The following RAP1GAP2 variants were observed in gnomAD, a reference collection of about 807,000 sequenced individuals.
RAP1GAP2 encodes the protein RAP1 GTPase activating protein 2.
RAP1GAP2 carries 27 observed loss-of-function variants against 95.0 expected under a neutral mutation model. The ratio of observed to expected loss-of-function variants is 0.28; its 90% confidence interval spans 0.21 to 0.39. The LOEUF (loss-of-function observed/expected upper bound fraction) is 0.39. RAP1GAP2 is among the 10% of genes least tolerant of loss of function. The probability of loss-of-function intolerance (pLI) is 1.00; values close to 1 mark genes in which losing one functional copy is unlikely to be tolerated. For synonymous variants in RAP1GAP2, 373 were observed against 380.9 expected, an observed-to-expected ratio of 0.98 and a Z score of 0.24; for missense variants, 771 against 970.0, an observed-to-expected ratio of 0.79 and a Z score of 2.72.
At chr17:3,020,429 G>A (rs984394402) in intron 18 of RAP1GAP2, 48 bp from the exon 19 acceptor site, 3 of 1,463,922 alleles carry the variant, frequency 2.0e-6, no homozygotes, top group Non-Finnish European at 2.9e-6. Context: ...GGGGATAGGA[G>A]ATCGGTGTTT....
rs376239849 is a variant in RAP1GAP2 at position 2,963,998 on chromosome 17, C to T, written c.422C>T (p.Pro141Leu). 3 of 1,612,602 alleles carry T rather than the reference C, an allele frequency of 1.9e-6. No homozygotes were observed. Among genetic ancestry groups the T allele is most frequent in the African/African-American group, 2.7e-5 (2 of 74,644 alleles). ...GAGGAGGAAGAGGACAACCTCAGCCCCAACACATTTGGCTACAAGCTCGAG... is the reference window on the plus strand; with the variant it reads ...GAGGAGGAAGAGGACAACCTCAGCCTCAACACATTTGGCTACAAGCTCGAG... The part of the protein sequence containing the change: ...CEEEEEDNLS[P>L]NTFGYKLECK... Residue 141 changes from proline (P) to leucine (L), a missense_variant, in exon 7 of 25, where the codon CCC becomes CTC. Physicochemically the swap from Pro to Leu is moderately conservative, Grantham distance 98. Transcript: ENST00000254695. This position sits in a 1 kb window ranked among gnomAD's most constrained non-coding sequence, Gnocchi z 4.8.
chr17:2,808,674 C>G (rs1006058340), intron 2 of RAP1GAP2, among the ~76,000 whole-genome samples: 3 of 152,216 alleles, frequency 2.0e-5, no homozygotes, highest in Admixed American at 2.0e-4. Flanking sequence ...CACCACAGAA[C>G]CCACTGTTAG....
At chr17:2,990,275 T>C (rs988004096) in intron 11 of RAP1GAP2, among the ~76,000 whole-genome samples, 4 of 152,256 alleles carry the variant, frequency 2.6e-5, no homozygotes, top group African/African-American at 9.6e-5. Flanking sequence ...CTAGATCATA[T>C]GGTGACTCTA....
chr17:2,820,889 A>G (rs1413767810), intron 2 of RAP1GAP2, among the ~76,000 whole-genome samples: 1 of 73,404 alleles, frequency 1.4e-5, no homozygotes, highest in African/African-American at 6.3e-5. Flanking sequence ...GGCCCGGATA[A>G]TGGTTTTTTT....
intron 16 of RAP1GAP2, 44 bp downstream of exon 16, chr17:3,006,085 C>T (rs1884778566): frequency 4.8e-6 from 7 of 1,447,770 alleles, no homozygotes; most frequent in African/African-American, 1.4e-5. Flanking sequence ...ACTGCTGGGC[C>T]ACCTGTTAGC....
Position 2,827,189 on chromosome 17 carries a change from TG to T in RAP1GAP2, c.80+26641del, listed in dbSNP as rs1212646559. On this transcript the variant is annotated intron_variant, in intron 2 of 24. Transcript: ENST00000254695. This position sits in a 1 kb window ranked among gnomAD's most constrained non-coding sequence, Gnocchi z 4.1. ...GAGTGTGGTGCGTTTGAGGAGCTTG[TG>T]GATCGTCCCAGGGGTGTGTGTGGTT... Among the ~76,000 whole-genome samples, 2 of 152,156 alleles carry T rather than the reference TG, an allele frequency of 1.3e-5. No individual in the cohort carries two copies. Among genetic ancestry groups the T allele is most frequent in the Non-Finnish European group, 2.9e-5 (2 of 68,032 alleles).
intron 1 of RAP1GAP2, among the ~76,000 whole-genome samples, chr17:2,779,855 G>T (rs1164025906): frequency 6.6e-6 from 1 of 152,014 alleles, no homozygotes; most frequent in Non-Finnish European, 1.5e-5. Context: ...AAGAAGCATG[G>T]AAGAGACAGG....
intron 2 of RAP1GAP2, among the ~76,000 whole-genome samples, chr17:2,888,494 A>G (rs1343436509): frequency 1.3e-5 from 2 of 151,978 alleles, no homozygotes; most frequent in African/African-American, 2.4e-5. Flanking sequence ...TTTAGCTTCT[A>G]CGTTTGCATG....
intron 13 of RAP1GAP2, among the ~76,000 whole-genome samples, chr17:2,996,805 G>A (rs1225570333): frequency 6.6e-6 from 1 of 152,250 alleles, no homozygotes. Flanking sequence ...CGTGGAGTAA[G>A]TGAGGCAATT....
At chr17:2,994,405 C>T (rs1250462887) in intron 12 of RAP1GAP2, among the ~76,000 whole-genome samples, 2 of 152,210 alleles carry the variant, frequency 1.3e-5, no homozygotes, top group Admixed American at 1.3e-4. Flanking sequence ...GGGACAACTC[C>T]TGGAAGCCCA....
chr17:2,932,348 A>AGCTTCAGGTCTAAGCCTT (rs2043181934), intron 3 of RAP1GAP2, among the ~76,000 whole-genome samples: 2 of 151,984 alleles, frequency 1.3e-5, no homozygotes, highest in African/African-American at 4.8e-5. Context: ...TCTCTGGGGG[A>AGCTTCAGGTCTAAGCCTT]CAACTGCAGC....
At position 2,804,960 on chromosome 17, in the gene RAP1GAP2, G is replaced by A. The variant is rs11650016; in HGVS notation, c.80+4410G>A. Among the ~76,000 whole-genome samples the A allele has an allele frequency of 4.3e-3, 647 of 152,226 alleles. 2 individuals are homozygous for A. Among genetic ancestry groups the A allele is most frequent in the Non-Finnish European group, 6.5e-3 (445 of 68,012 alleles). On this transcript the variant is annotated intron_variant, in intron 2 of 24. Transcript: ENST00000254695. ...TTGCATTCATGCCTTGAATCCTTTCGTATTTTTCTCAGGACCTTGGTGATG... is the reference window on the plus strand; with the variant it reads ...TTGCATTCATGCCTTGAATCCTTTCATATTTTTCTCAGGACCTTGGTGATG...
At chr17:2,806,461 C>T (rs866763085) in intron 2 of RAP1GAP2, among the ~76,000 whole-genome samples, 16 of 150,568 alleles carry the variant, frequency 1.1e-4, no homozygotes, top group East Asian at 9.8e-4. Flanking sequence ...GGTGAAATTT[C>T]GGCTCACTGC....
intron 18 of RAP1GAP2, among the ~76,000 whole-genome samples, chr17:3,019,547 A>T (rs2046884648): frequency 6.6e-6 from 1 of 152,134 alleles, no homozygotes; most frequent in African/African-American, 2.4e-5. Flanking sequence ...GTGGCTTTGG[A>T]TTTGTATAGA....
chr17:2,761,525 T>C (rs1283897672), intron 1 of RAP1GAP2, among the ~76,000 whole-genome samples: 1 of 151,902 alleles, frequency 6.6e-6, no homozygotes, highest in Non-Finnish European at 1.5e-5. Flanking sequence ...CAGGCTCAGG[T>C]GATCTGCCCG....
rs2151732307 is a variant in RAP1GAP2, at chr17:2,905,670, A to G, written c.165+302A>G. On this transcript the variant is annotated intron_variant, in intron 3 of 24. Coordinates refer to ENST00000254695, the MANE Select transcript of RAP1GAP2 (RefSeq NM_015085.5). ...CCCAGCCAGGAGGAAGCCGGGGGAT[A>G]GAAGGCAGCTGCCCAGAAGGACTGC... Among the ~76,000 whole-genome samples, 4 of 152,306 alleles carry G rather than the reference A, an allele frequency of 2.6e-5. 1 individual carries two copies. The Middle Eastern group carries it at 0.014, about 518-fold the overall frequency.
intron 2 of RAP1GAP2, among the ~76,000 whole-genome samples, chr17:2,835,141 C>G (rs1319698232): frequency 3.3e-5 from 5 of 151,698 alleles, no homozygotes; most frequent in African/African-American, 4.8e-5. Flanking sequence ...CCAGGATGGT[C>G]TCGATCTCCT....
chr17:2,938,146 G>A (rs1032641354), intron 3 of RAP1GAP2, among the ~76,000 whole-genome samples: 1 of 152,142 alleles, frequency 6.6e-6, no homozygotes, highest in Admixed American at 6.5e-5. Context: ...GACACAGCAC[G>A]TACGTCATGT....
intron 19 of RAP1GAP2, 40 bp from the exon 20 acceptor site, chr17:3,025,968 G>T: frequency 2.1e-6 from 3 of 1,459,178 alleles, no homozygotes; most frequent in Non-Finnish European, 2.9e-6. Context: ...GGGGTTGAGG[G>T]CTGTCTCCGC....
Sources: allele counts gnomAD v4.1 joint callset (sites outside exome capture counted in the v4.1 genomes callset), GRCh38; gene constraint gnomAD v4.1.1; non-coding constraint Gnocchi (gnomAD v3.1); transcripts MANE v1.5; gene names NCBI Gene and HGNC (gene_info 2026-07-23, HGNC 2026-07-21).